Variants in FLG observed in about 807,000 individuals in gnomAD.
The protein encoded by FLG is filaggrin.
A neutral mutation model predicts 3.8 loss-of-function variants in FLG; 6 were observed. The ratio of observed to expected loss-of-function variants is 1.60; its 90% CI spans 0.87 to 3.15. The LOEUF is 3.15. FLG is among the 30% of genes most tolerant of loss of function. The probability of loss-of-function intolerance (pLI) is 0.00; values close to 1 mark genes in which losing one functional copy is unlikely to be tolerated. For missense variants in FLG, 7,595 were observed against 5,050.9 expected (o/e 1.50, Z -15.27); for synonymous variants, 2,551 against 1,931.6 (o/e 1.32, Z -8.41).
At chr1:152,314,954 T>A (rs1652724870) in intron 2 of FLG, 1 of 576,496 alleles carries the variant, frequency 1.7e-6, no homozygotes. Flanking sequence ...CAAGATTTGA[T>A]GGGGTAAGTG....
In FLG at chr1:152,307,596, C is replaced by G. The variant is rs543821965; in HGVS notation, c.7290G>C (p.Arg2430=). 1.9e-6 allele frequency: 3 copies of G among 1,613,648 alleles called. No individual in the cohort carries two copies. The highest frequency in any genetic ancestry group is 1.7e-5 in the Admixed American group (1 of 59,970). Residue 2430 remains arginine, a synonymous_variant, in exon 3 of 3, where the codon CGG becomes CGC. Coordinates refer to ENST00000368799, the MANE Select transcript of FLG (RefSeq NM_002016.2). ...GTCTTCCTCCAGTGCTGGTCCCGGT[C>G]CGTCCATGGGCGGACTCAGACTGTT... ...THEQSESAHG[R]TGTSTGGRQG...
Position 152,303,088 on chromosome 1 carries a change from C to T in FLG, c.11798G>A (p.Ser3933Asn), listed in dbSNP as rs746088445. The T allele has an allele frequency of 4.3e-6, 7 of 1,614,166 alleles. No individual in the cohort carries two copies. The South Asian group carries it at 6.6e-5, about 15-fold the overall frequency. The change falls in exon 3 of 3, where the codon AGT becomes AAT. Residue 3933 changes from serine to asparagine, a missense_variant. Physicochemically the swap from Ser to Asn is conservative, Grantham distance 46. Coordinates refer to ENST00000368799, the MANE Select transcript of FLG (RefSeq NM_002016.2). ...GTGATACGCAGAATCTTGTGAAAGA[C>T]TACTAAAGTGACCATGTTCCTTAGC... Reference protein sequence around the residue: ...STAKEHGHFSSLSQDSAYHSG... With the variant: ...STAKEHGHFSNLSQDSAYHSG...
At chr1:152,316,419 A>G (rs1036701362) in intron 1 of FLG, among the ~76,000 whole-genome samples, 17 of 152,250 alleles carry the variant, frequency 1.1e-4, no homozygotes, top group African/African-American at 3.6e-4. Flanking sequence ...ATAATTCAAC[A>G]GAAGCCAGGA....
At position 152,312,467 on chromosome 1, in the gene FLG, G is replaced by C; in HGVS notation, c.2419C>G (p.His807Asp). 6.2e-7 allele frequency: 1 copy of C among 1,613,668 alleles called. No homozygotes were observed. The highest frequency in any genetic ancestry group is 8.5e-7 in the Non-Finnish European group (1 of 1,179,876). ...CCAGTGCTGGGCCCTGTCCATCCAT[G>C]GGAGGACTCAGACTGTTTATGAGTG... ...VSTHKQSESS[H>D]GWTGPSTGVR... The change falls in exon 3 of 3, where the codon CAT (histidine) becomes GAT (aspartate). Residue 807 changes from histidine to aspartate, a missense_variant. By Grantham distance (81) the His-to-Asp change is moderately conservative. Transcript: ENST00000368799.
chr1:152,304,657 C>G lies in FLG; in HGVS notation c.10229G>C (p.Arg3410Thr). The change falls in exon 3 of 3, where the codon AGA becomes ACA. Residue 3410 changes from arginine (R) to threonine (T), a missense_variant. By Grantham distance (71) the Arg-to-Thr change is moderately conservative. Transcript: ENST00000368799. The part of the protein sequence containing the change: ...HGRTRTSTGR[R>T]QGSHHEQARD... The stretch of plus-strand genomic sequence containing the variant: ...TGCCTGCTCGTGGTGGGATCCTTGT[C>G]TTCGTCCAGTGCTGGTCCTGGTCCG... 6.2e-7 allele frequency: 1 copy of G among 1,611,978 alleles called. No homozygotes were observed.
In FLG at chr1:152,309,679, G is replaced by T; in HGVS notation, c.5207C>A (p.Ala1736Asp). Residue 1736 changes from alanine to aspartate, a missense_variant, in exon 3 of 3, where the codon GCC (alanine) becomes GAC (aspartate). Coordinates refer to ENST00000368799, the MANE Select transcript of FLG (RefSeq NM_002016.2). ...CTGATGGGGCCCAGCCTGTCCGTGG[G>T]CTGACACTGACTGTGTGTCTGACTC... Reference protein sequence around the residue: ...SEESDTQSVSAHGQAGPHQQS... With the variant: ...SEESDTQSVSDHGQAGPHQQS... The T allele has an allele frequency of 6.2e-7, 1 of 1,613,958 alleles. No individual in the cohort carries two copies. The highest frequency in any genetic ancestry group is 1.1e-5 in the South Asian group (1 of 91,052).
rs562201369 is a variant in FLG, at chr1:152,303,506, G to A, written c.11380C>T (p.Gln3794Ter). Residue 3794 changes from glutamine (Q) to a stop codon, truncating the protein, a stop_gained, in exon 3 of 3, where the codon CAG (glutamine) becomes TAG (stop). Transcript: ENST00000368799. LOFTEE classifies it low-confidence loss of function (END_TRUNC). ...CCATGGGAGGCATCAGACCTTCCCT[G>A]GGATGTGGTGTGGCTGTGATGGGAC... ...SGSHHSHTTS[Q>*]GRSDASHGQS... 2 of 1,613,940 alleles carry A rather than the reference G, an allele frequency of 1.2e-6. No individual in the cohort carries two copies. Among genetic ancestry groups the A allele is most frequent in the South Asian group, 1.1e-5 (1 of 91,066 alleles).
chr1:152,311,579 C>A lies in FLG; in HGVS notation c.3307G>T (p.Ala1103Ser), dbSNP rs546349534. 9.9e-6 allele frequency: 16 copies of A among 1,613,822 alleles called. No homozygotes were observed. In the South Asian group the frequency reaches 1.5e-4, roughly 16 times the overall value. Residue 1103 changes from alanine to serine, a missense_variant, in exon 3 of 3, where the codon GCA becomes TCA. Physicochemically the swap from Ala to Ser is moderately conservative, Grantham distance 99 (BLOSUM62 1). Transcript: ENST00000368799. ...GACCTTCCCCCTGACCAGTCACGTGCGGACTCTTGGTGGCTCTGCTGATGG... is the reference window on the plus strand; with the variant it reads ...GACCTTCCCCCTGACCAGTCACGTGAGGACTCTTGGTGGCTCTGCTGATGG... ...GPHQQSHQES[A>S]RDWSGGRSGR...
In FLG at chr1:152,313,669, G is replaced by C. The variant is rs189114758; in HGVS notation, c.1217C>G (p.Ser406Ter). 1.6e-5 allele frequency: 26 copies of C among 1,614,006 alleles called. No individual in the cohort carries two copies. In the East Asian group the frequency reaches 5.1e-4, roughly 32 times the overall value. ...GTGTCCACGATCGCTGACTGCAGAT[G>C]AAGCTTGCCCGCGCCCAGTGGCTGA... is the stretch of plus-strand genomic sequence containing the variant. ...RHSATGRGQA[S>*]SAVSDRGHRG... Residue 406 changes from serine to a stop codon, truncating the protein, a stop_gained, in exon 3 of 3, where the codon TCA (serine) becomes TGA (stop). Transcript: ENST00000368799. LOFTEE classifies it low-confidence loss of function (END_TRUNC).
At position 152,309,702 on chromosome 1, in the gene FLG, C is replaced by G. The variant is rs754233043; in HGVS notation, c.5184G>C (p.Glu1728Asp). 61 of 1,613,570 alleles carry G rather than the reference C, an allele frequency of 3.8e-5. No homozygotes were observed. Among genetic ancestry groups the G allele is most frequent in the South Asian group, 2.9e-4 (26 of 91,046 alleles). ...GGGCTGACACTGACTGTGTGTCTGA[C>G]TCTTCTGAGTGTCCCTCGCTGTCAC... ...QASDSEGHSEESDTQSVSAHG... is the reference protein window; with the variant it reads ...QASDSEGHSEDSDTQSVSAHG... Residue 1728 changes from glutamate (E) to aspartate (D), a missense_variant, in exon 3 of 3, where the codon GAG (glutamate) becomes GAC (aspartate). Transcript: ENST00000368799.
At position 152,311,479 on chromosome 1, in the gene FLG, G is replaced by C. The variant is rs1325358710; in HGVS notation, c.3407C>G (p.Thr1136Ser). 2 of 1,613,924 alleles carry C rather than the reference G, an allele frequency of 1.2e-6. No individual in the cohort carries two copies. The highest frequency in any genetic ancestry group is 3.3e-5 in the Admixed American group (2 of 60,014). ...QSESAHGRTRTSTGRRQGSHH... is the reference protein window; with the variant it reads ...QSESAHGRTRSSTGRRQGSHH... Reference sequence around the variant, plus strand: ...GGATCCTTGTCTTCGTCCAGTGCTGGTCCTGGTCCGCCCATGGGCAGACTC... The same window carrying C: ...GGATCCTTGTCTTCGTCCAGTGCTGCTCCTGGTCCGCCCATGGGCAGACTC... Residue 1136 changes from threonine (T) to serine (S), a missense_variant, in exon 3 of 3, where the codon ACC (threonine) becomes AGC (serine). Thr to Ser is a moderately conservative substitution (Grantham distance 58). Coordinates refer to ENST00000368799, the MANE Select transcript of FLG (RefSeq NM_002016.2).
intron 1 of FLG, among the ~76,000 whole-genome samples, chr1:152,321,234 A>T (rs1388094702): frequency 6.6e-6 from 1 of 150,944 alleles, no homozygotes; most frequent in Non-Finnish European, 1.5e-5. Flanking sequence ...ATATATGTAT[A>T]TGAAAGACTG....
Position 152,308,054 on chromosome 1 carries a change from C to A in FLG, c.6832G>T (p.Gly2278Cys), listed in dbSNP as rs1233456378. ...HGSAQEQSRDGSRHPRSHHED... is the reference protein window; with the variant it reads ...HGSAQEQSRDCSRHPRSHHED... ...TGATGGGACCTGGGGTGTCTGGAGC[C>A]ATCTCTTGACTGCTCCTGAGCAGAT... The change falls in exon 3 of 3, where the codon GGC becomes TGC. Residue 2278 changes from glycine (G) to cysteine (C), a missense_variant. By Grantham distance (159) the Gly-to-Cys change is radical (BLOSUM62 -3). Transcript: ENST00000368799. The A allele has an allele frequency of 3.7e-6, 6 of 1,613,966 alleles. No homozygotes were observed. Among genetic ancestry groups the A allele is most frequent in the Non-Finnish European group, 3.4e-6 (4 of 1,180,026 alleles).
Position 152,309,643 on chromosome 1 carries a change from T to C in FLG, c.5243A>G (p.Gln1748Arg). The change falls in exon 3 of 3, where the codon CAA becomes CGA. Residue 1748 changes from glutamine (Q) to arginine (R), a missense_variant. Transcript: ENST00000368799. ...GQAGPHQQSHQESTRGQSGER... is the reference protein window; with the variant it reads ...GQAGPHQQSHRESTRGQSGER... ...CCCTGACTGGCCACGTGTGGACTCT[T>C]GGTGGCTCTGCTGATGGGGCCCAGC... The C allele has an allele frequency of 1.2e-6, 2 of 1,613,794 alleles. No homozygotes were observed. The highest frequency in any genetic ancestry group is 1.7e-6 in the Non-Finnish European group (2 of 1,179,926).
chr1:152,313,629 A>T lies in FLG; in HGVS notation c.1257T>A (p.Gly419=), dbSNP rs146408041. 4.2e-4 allele frequency: 672 copies of T among 1,613,382 alleles called. 2 individuals are homozygous for T. In the African/African-American group the frequency reaches 7.5e-3, roughly 18 times the overall value. The change falls in exon 3 of 3, where the codon GGT becomes GGA. Residue 419 remains glycine, a synonymous_variant. Transcript: ENST00000368799. ...VSDRGHRGSS[G]SQASDSEGHS... ...GTCCCTCACTGTCACTGGCCTGACT[A>T]CCGCTAGACCCCCGGTGTCCACGAT...
In FLG at chr1:152,313,947, G is replaced by C. The variant is rs761914832; in HGVS notation, c.939C>G (p.His313Gln). ...GATGGTTTCTGGAAGCCGACCCAGA[G>C]TGCCTCTCAGAGTCTTCTGAGTGTC... ...SEGHSEDSER[H>Q]SGSASRNHHG... Residue 313 changes from histidine to glutamine, a missense_variant, in exon 3 of 3, where the codon CAC (histidine) becomes CAG (glutamine). His to Gln is a conservative substitution (Grantham distance 24). Transcript: ENST00000368799. 1.9e-6 allele frequency: 3 copies of C among 1,613,554 alleles called. No individual in the cohort carries two copies. Among genetic ancestry groups the C allele is most frequent in the East Asian group, 2.2e-5 (1 of 44,790 alleles).
Position 152,312,797 on chromosome 1 carries a change from G to A in FLG, c.2089C>T (p.His697Tyr), listed in dbSNP as rs1249429557. 6.2e-7 allele frequency: 1 copy of A among 1,614,040 alleles called. No individual in the cohort carries two copies. Among genetic ancestry groups the A allele is most frequent in the Admixed American group, 1.7e-5 (1 of 60,026 alleles). Reference protein sequence around the residue: ...NSSSGQAASSHEQARSSAGER... With the variant: ...NSSSGQAASSYEQARSSAGER... Reference sequence around the variant, plus strand: ...CCTGCACTTGATCTTGCCTGTTCATGGGATGACGCAGCCTGTCCACTAGAG... The same window carrying A: ...CCTGCACTTGATCTTGCCTGTTCATAGGATGACGCAGCCTGTCCACTAGAG... Residue 697 changes from histidine (H) to tyrosine (Y), a missense_variant, in exon 3 of 3, where the codon CAT (histidine) becomes TAT (tyrosine). Physicochemically the swap from His to Tyr is moderately conservative, Grantham distance 83. Transcript: ENST00000368799.
In FLG at chr1:152,312,442, C is replaced by T. The variant is rs1336303897; in HGVS notation, c.2444G>A (p.Gly815Glu). The T allele has an allele frequency of 1.2e-6, 2 of 1,613,602 alleles. No individual in the cohort carries two copies. The highest frequency in any genetic ancestry group is 2.2e-5 in the East Asian group (1 of 44,804). ...CTCATGGTGGGATCCTTGTCTTACTCCAGTGCTGGGCCCTGTCCATCCATG... is the reference window on the plus strand; with the variant it reads ...CTCATGGTGGGATCCTTGTCTTACTTCAGTGCTGGGCCCTGTCCATCCATG... ...SSHGWTGPST[G>E]VRQGSHHEQA... The change falls in exon 3 of 3, where the codon GGA becomes GAA. Residue 815 changes from glycine to glutamate, a missense_variant. Coordinates refer to ENST00000368799, the MANE Select transcript of FLG (RefSeq NM_002016.2).
chr1:152,310,441 G>A lies in FLG; in HGVS notation c.4445C>T (p.Ser1482Phe), dbSNP rs11204978. 2.4e-5 allele frequency: 39 copies of A among 1,613,160 alleles called. No individual in the cohort carries two copies. The highest frequency in any genetic ancestry group is 2.5e-5 in the Non-Finnish European group (30 of 1,179,800). ...ACGAATGGTGTCCTGACCGTCTTGG[G>A]ATGCTGAGTGCCTAGAGCTGTTTCG... is the stretch of plus-strand genomic sequence containing the variant. The part of the protein sequence containing the change: ...QARNSSRHSA[S>F]QDGQDTIRGH... Residue 1482 changes from serine to phenylalanine, a missense_variant, in exon 3 of 3, where the codon TCC becomes TTC. By Grantham distance (155) the Ser-to-Phe change is radical. Coordinates refer to ENST00000368799, the MANE Select transcript of FLG (RefSeq NM_002016.2).
Sources: gnomAD v4.1 joint callset for allele counts (sites outside exome capture counted in the v4.1 genomes callset) on GRCh38, gnomAD v4.1.1 for gene constraint, MANE v1.5 for transcripts, NCBI Gene and HGNC (gene_info 2026-07-23, HGNC 2026-07-21) for gene names.